INF2: variants seen among roughly 807,000 people sequenced by gnomAD.
INF2 encodes the protein inverted formin 2, also known as inverted formin-2.
A neutral mutation model predicts 123.5 loss-of-function variants in INF2; 43 were observed. The ratio of observed to expected loss-of-function variants is 0.35; its 90% CI spans 0.27 to 0.45. INF2 has a LOEUF of 0.45. INF2 is among the 20% of genes least tolerant of loss of function. The pLI, the probability that INF2 is intolerant of heterozygous loss-of-function variation, is 1.00. For synonymous variants in INF2, 851 were observed against 745.0 expected, an observed-to-expected ratio of 1.14 and a Z score of -2.32; for missense variants, 1,453 against 1,682.7, an observed-to-expected ratio of 0.86 and a Z score of 2.39.
Position 104,699,908 on chromosome 14 carries a change from C to G in INF2, c.-9-1449C>G, listed in dbSNP as rs1034645168. ...TGTCAGGCTGCCTCCTGGAAGGAGC[C>G]CACTGGCCCCCTGGGGCAGTTGGAC... On this transcript the variant is annotated intron_variant, in intron 1 of 22. Transcript: ENST00000392634. The surrounding 1 kb of genome is among the most constrained non-coding windows in gnomAD (Gnocchi z 4.7). 1.3e-5 allele frequency among the ~76,000 whole-genome samples: 2 copies of G among 152,120 alleles called. No individual in the cohort carries two copies. Among genetic ancestry groups the G allele is most frequent in the East Asian group, 3.9e-4 (2 of 5,178 alleles).
intron 1 of INF2, among the ~76,000 whole-genome samples, chr14:104,697,889 G>A (rs1566775397): frequency 1.3e-5 from 2 of 152,170 alleles, no homozygotes; most frequent in South Asian, 2.1e-4. Flanking sequence ...TGGACTGCCG[G>A]GGGGGGTGGA....
intron 12 of INF2, 41 bp from the exon 13 acceptor site, chr14:104,710,046 TG>T (rs773219267): frequency 1.1e-5 from 16 of 1,463,256 alleles, no homozygotes; most frequent in African/African-American, 1.4e-5. Flanking sequence ...CAGGGACAGG[TG>T]GGGGGTGCAG....
At chr14:104,708,246 C>T (rs1889878071) in intron 8 of INF2, 190 bp from the exon 9 acceptor site, 9 of 881,948 alleles carry the variant, frequency 1.0e-5, no homozygotes, top group East Asian at 2.7e-5. Context: ...TCTGGGGTGC[C>T]ATGGTGCCCT....
chr14:104,708,293 G>C, intron 8 of INF2, 143 bp from the exon 9 acceptor site: 1 of 1,075,520 alleles, frequency 9.3e-7, no homozygotes. Context: ...GGGAGGTAGG[G>C]TGCCTGCTGT....
chr14:104,688,418 T>G (rs1888751000), upstream of INF2, among the ~76,000 whole-genome samples: 1 of 152,186 alleles, frequency 6.6e-6, no homozygotes, highest in Non-Finnish European at 1.5e-5. Context: ...GCATCGGGGC[T>G]GGGAAGCCAT....
intron 5 of INF2, chr14:104,704,558 C>T (rs1889687155): frequency 6.3e-6 from 1 of 158,484 alleles, no homozygotes; most frequent in African/African-American, 2.4e-5. Flanking sequence ...CGCACGCGCG[C>T]AAGGGATCCA....
At chr14:104,687,264 G>A (rs1208005649), upstream of INF2, among the ~76,000 whole-genome samples, 1 of 152,102 alleles carries the variant, frequency 6.6e-6, no homozygotes, top group East Asian at 1.9e-4. This position sits in a 1 kb window ranked among gnomAD's most constrained non-coding sequence, Gnocchi z 5.6. Flanking sequence ...TGGAGTCTGG[G>A]AGCGCTGGAG....
chr14:104,704,075 C>T (rs938795650), intron 5 of INF2, 126 bp downstream of exon 5: 35 of 1,539,636 alleles, frequency 2.3e-5, no homozygotes, highest in Admixed American at 9.5e-5. Context: ...GTGGCTCCCT[C>T]GGAGTAACCC....
rs200236783 is a variant in INF2 at position 104,713,004 on chromosome 14, C to G, written c.2775+12C>G. On this transcript the variant is annotated intron_variant, in intron 18 of 22. Transcript: ENST00000392634. ...TCCGCGCCCTGAAGGTGGGGCAGCC[C>G]GGCGGGACACAGCCTGTCTGGCTAG... The G allele has an allele frequency of 6.2e-7, 1 of 1,611,966 alleles. No individual in the cohort carries two copies. Among genetic ancestry groups the G allele is most frequent in the Admixed American group, 1.7e-5 (1 of 60,020 alleles).
At chr14:104,711,227 T>TC (rs969503914) in intron 15 of INF2, 41 bp downstream of exon 15, 13 of 1,479,420 alleles carry the variant, frequency 8.8e-6, no homozygotes, top group Non-Finnish European at 1.2e-5. Context: ...GGGCTTCAAG[T>TC]CCCCCCGGAC....
exon 1 of INF2, chr14:104,681,294 T>TAAAA: frequency 2.5e-6 from 1 of 394,102 alleles, no homozygotes; most frequent in Non-Finnish European, 5.1e-6. Flanking sequence ...GCTCACTGAA[T>TAAAA]AAAGCACTGC....
intron 1 of INF2, among the ~76,000 whole-genome samples, chr14:104,690,937 C>T (rs1429957108): frequency 6.6e-6 from 1 of 152,188 alleles, no homozygotes; most frequent in Non-Finnish European, 1.5e-5. Flanking sequence ...CACACTGCTC[C>T]CACCCCTACC....
At chr14:104,711,045 G>C in intron 14 of INF2, 34 bp from the exon 15 acceptor site, 1 of 1,608,822 alleles carries the variant, frequency 6.2e-7, no homozygotes, top group Non-Finnish European at 8.5e-7. Context: ...CCTGGTGCCA[G>C]GGGCTGGTGA....
chr14:104,711,471 G>A (rs904980247), intron 15 of INF2, among the ~76,000 whole-genome samples, 158 bp from the exon 16 acceptor site: 4 of 152,198 alleles, frequency 2.6e-5, no homozygotes, highest in Non-Finnish European at 4.4e-5. Context: ...ACATCACAAA[G>A]TCATAGCCAG....
intron 2 of INF2, among the ~76,000 whole-genome samples, 200 bp from the exon 3 acceptor site, chr14:104,702,905 T>C (rs993475100): frequency 5.3e-5 from 8 of 152,216 alleles, no homozygotes; most frequent in African/African-American, 1.9e-4. Flanking sequence ...GGTCTGGCCC[T>C]GTGGTCCAGG....
intron 22 of INF2, among the ~76,000 whole-genome samples, chr14:104,718,231 G>A (rs1168653260): frequency 6.6e-6 from 1 of 152,242 alleles, no homozygotes; most frequent in East Asian, 1.9e-4. Context: ...GTGGCAGTGG[G>A]GGTGACACTC....
chr14:104,704,130 A>G (rs1343749519), intron 5 of INF2, 181 bp downstream of exon 5: 15 of 1,460,968 alleles, frequency 1.0e-5, no homozygotes, highest in Non-Finnish European at 1.4e-5. Flanking sequence ...AATCCAGCTC[A>G]CTGTCCCTGG....
chr14:104,711,668 C>G lies in INF2; in HGVS notation c.2458C>G (p.Arg820Gly). 1.2e-6 allele frequency: 2 copies of G among 1,612,460 alleles called. No individual in the cohort carries two copies. The highest frequency in any genetic ancestry group is 1.7e-6 in the Non-Finnish European group (2 of 1,179,714). ...KSHPDLLQLPRDLEQPSQAAG... is the reference protein window; with the variant it reads ...KSHPDLLQLPGDLEQPSQAAG... ...CCACCCCGACCTCCTGCAGCTGCCC[C>G]GGGACCTGGAACAGCCCTCGCAAGC... The change falls in exon 16 of 23, where the codon CGG (arginine) becomes GGG (glycine). Residue 820 changes from arginine to glycine, a missense_variant. This residue lies in a region of INF2 where 212 missense variants were observed against 266.2 expected (regional missense o/e 0.80). Coordinates refer to ENST00000392634, the MANE Select transcript of INF2 (RefSeq NM_022489.4).
intron 2 of INF2, 125 bp downstream of exon 2, chr14:104,701,881 G>GGGCTTCCTGGAGGAGGACT (rs772486832): frequency 4.6e-6 from 5 of 1,086,440 alleles, no homozygotes; most frequent in Admixed American, 5.9e-5. Context: ...CAGGCAAGGA[G>GGGCTTCCTGGAGGAGGACT]GGCTTCCTGG....
Sources: gnomAD v4.1 joint callset for allele counts (sites outside exome capture counted in the v4.1 genomes callset) on GRCh38, gnomAD v4.1.1 for gene constraint, gnomAD v4.1.1 regional missense constraint, Gnocchi (gnomAD v3.1) non-coding constraint, MANE v1.5 for transcripts, NCBI Gene and HGNC (gene_info 2026-07-23, HGNC 2026-07-21) for gene names.